ALCAM: variants seen among roughly 807,000 people sequenced by gnomAD.
ALCAM encodes the protein activated leukocyte cell adhesion molecule, also known as CD166 antigen.
A neutral mutation model predicts 70.9 loss-of-function variants in ALCAM; 30 were observed. That is an observed-to-expected ratio of 0.42 (90% CI 0.32 to 0.57). The LOEUF (loss-of-function observed/expected upper bound fraction) is 0.57. Ranked by LOEUF, ALCAM falls within the 20% of genes least tolerant of loss-of-function variation. The pLI, the probability that ALCAM is intolerant of heterozygous loss-of-function variation, is 0.11. For synonymous variants in ALCAM, 249 were observed against 242.5 expected (o/e 1.03, Z -0.25); for missense variants, 591 against 695.1 (o/e 0.85, Z 1.68).
chr3:105,419,735 C>T (rs772664983), intron 1 of ALCAM, among the ~76,000 whole-genome samples: 1 of 151,822 alleles, frequency 6.6e-6, no homozygotes, highest in Non-Finnish European at 1.5e-5. Context: ...GAAGTAGCTG[C>T]TGCTTATCTG....
At chr3:105,552,795 T>C (rs1160521520) in intron 14 of ALCAM, 2 of 1,364,558 alleles carry the variant, frequency 1.5e-6, no homozygotes, top group Non-Finnish European at 9.5e-7. Flanking sequence ...TTCACATGTG[T>C]CCGTTTATTT....
chr3:105,406,758 A>G (rs1205773196), intron 1 of ALCAM, among the ~76,000 whole-genome samples: 1 of 152,062 alleles, frequency 6.6e-6, no homozygotes, highest in African/African-American at 2.4e-5. Flanking sequence ...GATAAATGAA[A>G]AAAAAAAACT....
chr3:105,460,383 G>A (rs1435447080), intron 1 of ALCAM, among the ~76,000 whole-genome samples: 1 of 152,022 alleles, frequency 6.6e-6, no homozygotes, highest in Non-Finnish European at 1.5e-5. Flanking sequence ...AGGGCTGCAT[G>A]CCAGACTTGA....
intron 6 of ALCAM, among the ~76,000 whole-genome samples, chr3:105,538,427 C>A (rs536791451): frequency 1.3e-5 from 2 of 152,158 alleles, no homozygotes; most frequent in African/African-American, 4.8e-5. Context: ...GGATCCTTAA[C>A]TTTGAGGTAA....
intron 11 of ALCAM, among the ~76,000 whole-genome samples, chr3:105,549,554 A>C (rs1940341825): frequency 6.6e-6 from 1 of 151,484 alleles, no homozygotes; most frequent in African/African-American, 2.4e-5. Context: ...AATTAAATGC[A>C]GTGATTACCC....
intron 11 of ALCAM, among the ~76,000 whole-genome samples, chr3:105,548,600 T>C (rs1940311949): frequency 6.6e-6 from 1 of 151,394 alleles, no homozygotes; most frequent in Non-Finnish European, 1.5e-5. Context: ...CTATAGGTGA[T>C]GCATATATAG....
chr3:105,459,016 TG>T (rs1937569264), intron 1 of ALCAM, among the ~76,000 whole-genome samples: 1 of 152,184 alleles, frequency 6.6e-6, no homozygotes, highest in African/African-American at 2.4e-5. Flanking sequence ...CACAAATTTT[TG>T]TTATGTGTCA....
At chr3:105,436,330 T>C (rs762934714) in intron 1 of ALCAM, among the ~76,000 whole-genome samples, 1 of 151,942 alleles carries the variant, frequency 6.6e-6, no homozygotes, top group Non-Finnish European at 1.5e-5. Flanking sequence ...GTGTAAACAG[T>C]TTATTTTATT....
chr3:105,372,386 A>G (rs1451524876), intron 1 of ALCAM, among the ~76,000 whole-genome samples: 3 of 152,108 alleles, frequency 2.0e-5, no homozygotes, highest in Non-Finnish European at 4.4e-5. Context: ...AATACCTTAT[A>G]TATTTCAGAT....
chr3:105,368,612 C>T (rs1016476217), intron 1 of ALCAM, among the ~76,000 whole-genome samples: 1 of 152,088 alleles, frequency 6.6e-6, no homozygotes, highest in Non-Finnish European at 1.5e-5. Flanking sequence ...GTGCACATCC[C>T]TTCAGCTGTC....
At chr3:105,538,518 G>A (rs1940028382) in intron 6 of ALCAM, among the ~76,000 whole-genome samples, 1 of 152,106 alleles carries the variant, frequency 6.6e-6, no homozygotes, top group Non-Finnish European at 1.5e-5. Flanking sequence ...CTAATACAAA[G>A]CGGAGCCTAT....
chr3:105,444,463 A>G (rs576819407), intron 1 of ALCAM, among the ~76,000 whole-genome samples: 15 of 152,038 alleles, frequency 9.9e-5, no homozygotes, highest in African/African-American at 3.6e-4. Flanking sequence ...TGATACAATC[A>G]CTGCCCACTT....
intron 1 of ALCAM, among the ~76,000 whole-genome samples, chr3:105,515,294 T>C (rs1034169392): frequency 3.9e-5 from 6 of 152,060 alleles, no homozygotes; most frequent in African/African-American, 1.4e-4. Flanking sequence ...GGGAATCCAC[T>C]TCCTGAAGTC....
At chr3:105,541,122 TC>T (rs1940104561) in intron 7 of ALCAM, among the ~76,000 whole-genome samples, 2 of 150,572 alleles carry the variant, frequency 1.3e-5, no homozygotes, top group South Asian at 2.1e-4. Flanking sequence ...TTTCTTTTTT[TC>T]TTTTGTCATT....
At chr3:105,462,215 G>A (rs1937613268) in intron 1 of ALCAM, among the ~76,000 whole-genome samples, 1 of 151,602 alleles carries the variant, frequency 6.6e-6, no homozygotes, top group Non-Finnish European at 1.5e-5. Flanking sequence ...CATTGAATGA[G>A]TACTTATCAT....
At chr3:105,492,894 G>C (rs889529395) in intron 1 of ALCAM, among the ~76,000 whole-genome samples, 2 of 152,036 alleles carry the variant, frequency 1.3e-5, no homozygotes, top group African/African-American at 4.8e-5. Context: ...CTTTAATATA[G>C]TTTAGCCATT....
chr3:105,386,661 A>AATAT (rs113319090), intron 1 of ALCAM, among the ~76,000 whole-genome samples: 102 of 148,200 alleles, frequency 6.9e-4, no homozygotes, highest in Middle Eastern at 3.5e-3. Flanking sequence ...TACCACCATA[A>AATAT]ATATATATAT....
At chr3:105,419,490 A>G (rs757370732) in intron 1 of ALCAM, among the ~76,000 whole-genome samples, 2 of 151,866 alleles carry the variant, frequency 1.3e-5, no homozygotes, top group Non-Finnish European at 2.9e-5. Flanking sequence ...AACTGCATTC[A>G]CCTTGACAGC....
In ALCAM at chr3:105,492,957, AATT is replaced by A; in HGVS notation, c.74-27106_74-27104del. ...AGAGCATTTATATGTAAAGTAGAAA[AATT>A]ATTGTTTTGATTTTTTTCATTTTCT... On this transcript the variant is annotated intron_variant, in intron 1 of 15. Coordinates refer to ENST00000306107, the MANE Select transcript of ALCAM (RefSeq NM_001627.4). Among the ~76,000 whole-genome samples, 2 of 152,304 alleles carry A rather than the reference AATT, an allele frequency of 1.3e-5. 1 individual carries two copies. Among genetic ancestry groups the A allele is most frequent in the South Asian group, 4.1e-4 (2 of 4,828 alleles).
Sources: allele counts gnomAD v4.1 joint callset (sites outside exome capture counted in the v4.1 genomes callset), GRCh38; gene constraint gnomAD v4.1.1; transcripts MANE v1.5; gene names NCBI Gene and HGNC (gene_info 2026-07-23, HGNC 2026-07-21).